The following HECW2 variants were observed in gnomAD, a reference collection of about 807,000 sequenced individuals.
The protein encoded by HECW2 is HECT, C2 and WW domain containing E3 ubiquitin protein ligase 2, also known as E3 ubiquitin-protein ligase HECW2.
A neutral mutation model predicts 175.2 loss-of-function variants in HECW2; 61 were observed. The observed-to-expected ratio is 0.35, with a 90% CI of 0.28 to 0.43. The LOEUF is 0.43. HECW2 is among the 20% of genes least tolerant of loss of function. HECW2 has a pLI of 1.00. For missense variants in HECW2, 1,524 were observed against 2,000.5 expected (o/e 0.76, Z 4.54); for synonymous variants, 671 against 731.0 (o/e 0.92, Z 1.32).
intron 17 of HECW2, among the ~76,000 whole-genome samples, chr2:196,259,636 C>G (rs1689208043): frequency 6.6e-6 from 1 of 152,150 alleles, no homozygotes. Flanking sequence ...AGGCCAGCCT[C>G]TCTCTGCTTA....
intron 10 of HECW2, chr2:196,316,238 A>G (rs1428690031): frequency 6.6e-6 from 1 of 152,246 alleles, no homozygotes; most frequent in Non-Finnish European, 1.5e-5. Flanking sequence ...ATCTGTGCCC[A>G]AAAGAATTTC....
At chr2:196,360,718 A>T (rs927831301) in intron 2 of HECW2, among the ~76,000 whole-genome samples, 3 of 152,210 alleles carry the variant, frequency 2.0e-5, no homozygotes, top group Non-Finnish European at 4.4e-5. Flanking sequence ...AGGTGGGAGA[A>T]ATATTTCTGA....
intron 1 of HECW2, among the ~76,000 whole-genome samples, chr2:196,550,202 C>T (rs1301246166): frequency 3.3e-5 from 5 of 152,226 alleles, no homozygotes; most frequent in African/African-American, 4.8e-5. Flanking sequence ...GGTAGACTGA[C>T]TGACTCTCTT....
intron 17 of HECW2, among the ~76,000 whole-genome samples, chr2:196,267,338 A>C (rs1689555925): frequency 6.6e-6 from 1 of 152,334 alleles, no homozygotes; most frequent in African/African-American, 2.4e-5. Context: ...TAATGAATAT[A>C]TTTGTATTCG....
intron 2 of HECW2, among the ~76,000 whole-genome samples, chr2:196,409,430 C>T (rs1423403794): frequency 2.6e-5 from 4 of 152,096 alleles, no homozygotes; most frequent in Admixed American, 6.5e-5. Context: ...CCCTGACTCC[C>T]GAGATCTTAC....
chr2:196,371,870 A>T (rs1379932970), intron 2 of HECW2, among the ~76,000 whole-genome samples: 2 of 152,214 alleles, frequency 1.3e-5, no homozygotes, highest in African/African-American at 4.8e-5. Flanking sequence ...TCAGCAATGA[A>T]CGATCTCTGT....
chr2:196,320,491 C>G (rs369738336), intron 7 of HECW2, 52 bp from the exon 8 acceptor site: 2 of 1,220,138 alleles, frequency 1.6e-6, no homozygotes. Flanking sequence ...AGTCAGCCTT[C>G]GCCGTCTTTC....
At chr2:196,220,691 A>G (rs1482721506) in intron 25 of HECW2, 104 bp downstream of exon 25, 8 of 1,236,316 alleles carry the variant, frequency 6.5e-6, no homozygotes, top group African/African-American at 1.5e-5. Context: ...AAAGAGCAAC[A>G]GTAAATACAG....
At chr2:196,493,602 TAA>T (rs1413524706) in intron 1 of HECW2, among the ~76,000 whole-genome samples, 2 of 152,144 alleles carry the variant, frequency 1.3e-5, no homozygotes, top group African/African-American at 2.4e-5. Flanking sequence ...CACCACAAAT[TAA>T]AAGTGATCAG....
intron 1 of HECW2, among the ~76,000 whole-genome samples, chr2:196,457,488 A>G (rs956452709): frequency 6.6e-6 from 1 of 152,240 alleles, no homozygotes; most frequent in Non-Finnish European, 1.5e-5. Flanking sequence ...AGCTGTTTAA[A>G]AAATTACTTT....
chr2:196,234,278 AG>A (rs1688159773), intron 21 of HECW2, among the ~76,000 whole-genome samples: 1 of 146,968 alleles, frequency 6.8e-6, no homozygotes, highest in East Asian at 2.0e-4. Context: ...AGTCTAATCC[AG>A]TTTTTTTTTT....
At chr2:196,524,309 G>T (rs1376133790) in intron 1 of HECW2, among the ~76,000 whole-genome samples, 4 of 119,394 alleles carry the variant, frequency 3.4e-5, no homozygotes, top group Admixed American at 1.6e-4. Context: ...ATTTCTTTGG[G>T]ATCAGTGGTG....
chr2:196,497,947 G>T (rs1687454118), intron 1 of HECW2, among the ~76,000 whole-genome samples: 2 of 152,180 alleles, frequency 1.3e-5, no homozygotes, highest in Admixed American at 6.5e-5. Context: ...TCCACACTTT[G>T]TTGAACCTAA....
chr2:196,493,143 A>G (rs1439112602), intron 1 of HECW2: 1 of 152,224 alleles, frequency 6.6e-6, no homozygotes, highest in East Asian at 1.9e-4. Context: ...CTGAGGTGGG[A>G]GAATCTCTTG....
intron 2 of HECW2, among the ~76,000 whole-genome samples, chr2:196,408,184 A>T (rs1303181334): frequency 6.6e-6 from 1 of 152,240 alleles, no homozygotes; most frequent in Non-Finnish European, 1.5e-5. Context: ...AGATTTATTC[A>T]ATCTGAAGTC....
At chr2:196,304,343 GTGAGATTT>G in intron 13 of HECW2, among the ~76,000 whole-genome samples, 1 of 152,160 alleles carries the variant, frequency 6.6e-6, no homozygotes, top group Non-Finnish European at 1.5e-5. Context: ...GTGCCTCCTT[GTGAGATTT>G]TGAGATTAAA....
intron 2 of HECW2, among the ~76,000 whole-genome samples, chr2:196,418,555 T>G (rs940571870): frequency 6.6e-6 from 1 of 152,204 alleles, no homozygotes; most frequent in African/African-American, 2.4e-5. Flanking sequence ...ATATTCTTCA[T>G]GTCAAACAAG....
chr2:196,332,843 T>C (rs563671892), intron 4 of HECW2, among the ~76,000 whole-genome samples: 4 of 152,334 alleles, frequency 2.6e-5, no homozygotes, highest in African/African-American at 4.8e-5. Context: ...CTATGTGACA[T>C]GGCAGACTTT....
intron 9 of HECW2, among the ~76,000 whole-genome samples, chr2:196,317,647 T>G (rs971153309): frequency 1.3e-5 from 2 of 151,234 alleles, no homozygotes; most frequent in African/African-American, 4.9e-5. Flanking sequence ...CATGCGCTAA[T>G]GCTTTAGGGT....
Sources: gnomAD v4.1 joint callset for allele counts (sites outside exome capture counted in the v4.1 genomes callset) on GRCh38, gnomAD v4.1.1 for gene constraint, MANE v1.5 for transcripts, NCBI Gene and HGNC (gene_info 2026-07-23, HGNC 2026-07-21) for gene names.